Variants in NRXN1 observed in about 807,000 individuals in gnomAD.
NRXN1 encodes the protein neurexin-1.
NRXN1 carries 39 observed loss-of-function variants against 150.9 expected under a neutral mutation model. The observed-to-expected ratio is 0.26, with a 90% CI of 0.20 to 0.34. The LOEUF (loss-of-function observed/expected upper bound fraction) is 0.34. NRXN1 is among the 10% of genes least tolerant of loss of function. The probability of loss-of-function intolerance (pLI) is 1.00; values close to 1 mark genes in which losing one functional copy is unlikely to be tolerated. For missense variants in NRXN1, 1,815 were observed against 1,949.9 expected, an observed-to-expected ratio of 0.93 and a Z score of 1.30; for synonymous variants, 924 against 757.0, an observed-to-expected ratio of 1.22 and a Z score of -3.62.
chr2:50,299,754 G>A (rs1382960235), intron 17 of NRXN1, among the ~76,000 whole-genome samples: 2 of 152,118 alleles, frequency 1.3e-5, no homozygotes, highest in Non-Finnish European at 2.9e-5. Context: ...AACTAAACCC[G>A]CTGATCTTGG....
chr2:50,560,819 T>C (rs1294292702), intron 8 of NRXN1, among the ~76,000 whole-genome samples: 1 of 152,140 alleles, frequency 6.6e-6, no homozygotes, highest in Admixed American at 6.5e-5. Flanking sequence ...TTTCCCCTGA[T>C]CTAATCTGAT....
chr2:50,948,038 T>C (rs1690686920), intron 2 of NRXN1, among the ~76,000 whole-genome samples: 2 of 145,512 alleles, frequency 1.4e-5, no homozygotes, highest in African/African-American at 5.5e-5. Context: ...GGCAAGTTAT[T>C]TATTTTATTT....
At chr2:50,358,146 T>A (rs2078952180) in intron 17 of NRXN1, among the ~76,000 whole-genome samples, 1 of 152,068 alleles carries the variant, frequency 6.6e-6, no homozygotes, top group Non-Finnish European at 1.5e-5. Flanking sequence ...AGCACAAAAC[T>A]AGGTGGCTGC....
intron 5 of NRXN1, among the ~76,000 whole-genome samples, chr2:50,742,657 C>T (rs1380636082): frequency 1.3e-5 from 2 of 151,320 alleles, no homozygotes; most frequent in Non-Finnish European, 2.9e-5. Flanking sequence ...TGATTATAGG[C>T]AAATTATTTA....
At chr2:50,204,306 A>T (rs963558145) in intron 18 of NRXN1, among the ~76,000 whole-genome samples, 2 of 151,874 alleles carry the variant, frequency 1.3e-5, no homozygotes, top group African/African-American at 4.8e-5. Flanking sequence ...ATTAACAAAA[A>T]ATAAAGTTAT....
intron 18 of NRXN1, among the ~76,000 whole-genome samples, chr2:50,191,747 T>G (rs1269976753): frequency 6.6e-6 from 1 of 152,232 alleles, no homozygotes; most frequent in Non-Finnish European, 1.5e-5. Flanking sequence ...TAAGTTGTTG[T>G]GTGTATCAAT....
chr2:50,552,821 G>C lies in NRXN1; in HGVS notation c.1525C>G (p.Arg509Gly). The C allele has an allele frequency of 6.2e-7, 1 of 1,613,880 alleles. No homozygotes were observed. The change falls in exon 9 of 23, where the codon CGT becomes GGT. Residue 509 changes from arginine (R) to glycine (G), a missense_variant. By Grantham distance (125) the Arg-to-Gly change is moderately radical. Around this residue, in one of 6 missense-constraint regions of NRXN1, gnomAD observed 638 missense variants for 652.6 expected, o/e 0.98. Coordinates refer to ENST00000401669, the MANE Select transcript of NRXN1 (RefSeq NM_001330078.2). ...ATGAGGCCATTTGGCTCTGTTGTAC[G>C]GAAATCAAATGATATGGAGCCAGTT... Reference protein sequence around the residue: ...KKTGSISFDFRTTEPNGLILF... With the variant: ...KKTGSISFDFGTTEPNGLILF...
intron 5 of NRXN1, among the ~76,000 whole-genome samples, chr2:50,864,211 T>C (rs373054596): frequency 1.3e-5 from 2 of 152,070 alleles, no homozygotes. Context: ...AAGAAATCTT[T>C]CCCAAAACAT....
At chr2:50,709,974 C>T (rs923609558) in intron 5 of NRXN1, among the ~76,000 whole-genome samples, 1 of 152,152 alleles carries the variant, frequency 6.6e-6, no homozygotes, top group East Asian at 1.9e-4. Flanking sequence ...TAAGACTCTA[C>T]TATTACTGCT....
intron 5 of NRXN1, among the ~76,000 whole-genome samples, chr2:50,784,174 G>A (rs1266125167): frequency 6.6e-6 from 1 of 152,100 alleles, no homozygotes; most frequent in African/African-American, 2.4e-5. Flanking sequence ...ATTACTTTGA[G>A]TAATATCAGG....
At chr2:50,145,479 A>G (rs953647835) in intron 18 of NRXN1, among the ~76,000 whole-genome samples, 1 of 151,722 alleles carries the variant, frequency 6.6e-6, no homozygotes, top group African/African-American at 2.4e-5. Context: ...TCTCATCTAC[A>G]ATCTATTTCC....
At chr2:50,499,004 G>C (rs1473113177) in intron 13 of NRXN1, among the ~76,000 whole-genome samples, 1 of 152,176 alleles carries the variant, frequency 6.6e-6, no homozygotes, top group African/African-American at 2.4e-5. Flanking sequence ...TTCCCCAGGG[G>C]TAATGAAGAC....
intron 5 of NRXN1, among the ~76,000 whole-genome samples, chr2:50,802,677 G>A (rs1451125645): frequency 2.0e-5 from 3 of 151,922 alleles, no homozygotes; most frequent in African/African-American, 7.3e-5. Context: ...AGAAAATAGG[G>A]TCTTTTTAGA....
chr2:50,239,485 A>G (rs1442616728), intron 17 of NRXN1, among the ~76,000 whole-genome samples: 1 of 77,818 alleles, frequency 1.3e-5, no homozygotes, highest in Non-Finnish European at 2.5e-5. Flanking sequence ...TTTAACTTTA[A>G]ACATCACTTT....
At chr2:50,058,780 G>A (rs1456554776) in intron 19 of NRXN1, among the ~76,000 whole-genome samples, 3 of 152,054 alleles carry the variant, frequency 2.0e-5, no homozygotes, top group African/African-American at 7.2e-5. Context: ...CACAAGACCT[G>A]ATGGTTTTAT....
chr2:49,995,876 A>G (rs959559014), intron 21 of NRXN1, among the ~76,000 whole-genome samples: 4 of 140,896 alleles, frequency 2.8e-5, no homozygotes, highest in Non-Finnish European at 4.7e-5. Context: ...AAAAAAAAAA[A>G]AAAAAAAGAA....
intron 17 of NRXN1, among the ~76,000 whole-genome samples, chr2:50,357,066 T>C (rs1452062215): frequency 6.6e-6 from 1 of 152,084 alleles, no homozygotes; most frequent in East Asian, 1.9e-4. Context: ...CACTGGAGAC[T>C]ACCAGTTTGA....
chr2:50,424,637 G>A (rs981477921), intron 17 of NRXN1, among the ~76,000 whole-genome samples: 18 of 152,098 alleles, frequency 1.2e-4, no homozygotes, highest in African/African-American at 4.3e-4. Context: ...ACAGTATCAA[G>A]CACAACTTAA....
chr2:50,906,298 T>C (rs1395547557), intron 5 of NRXN1, among the ~76,000 whole-genome samples: 1 of 152,152 alleles, frequency 6.6e-6, no homozygotes, highest in Non-Finnish European at 1.5e-5. Context: ...TCCTCATCTC[T>C]ACTTTCTCTT....
Sources: gnomAD v4.1 joint callset for allele counts (sites outside exome capture counted in the v4.1 genomes callset) on GRCh38, gnomAD v4.1.1 for gene constraint, gnomAD v4.1.1 regional missense constraint, MANE v1.5 for transcripts, NCBI Gene and HGNC (gene_info 2026-07-23, HGNC 2026-07-21) for gene names.